ZFPM2: variants seen among roughly 807,000 people sequenced by gnomAD.
ZFPM2 encodes zinc finger protein, FOG family member 2, also known as zinc finger protein ZFPM2.
Under a neutral mutation model 98.6 loss-of-function variants are expected in ZFPM2, and 20 were observed. The observed-to-expected ratio is 0.20, with a 90% CI of 0.14 to 0.29. The LOEUF is 0.29. Ranked by LOEUF, ZFPM2 falls within the 10% of genes least tolerant of loss-of-function variation. The pLI, the probability that ZFPM2 is intolerant of heterozygous loss-of-function variation, is 1.00. For missense variants in ZFPM2, 1,310 were observed against 1,388.6 expected, an observed-to-expected ratio of 0.94 and a Z score of 0.90; for synonymous variants, 518 against 502.7, an observed-to-expected ratio of 1.03 and a Z score of -0.41.
chr8:105,602,471 C>T, intron 4 of ZFPM2, among the ~76,000 whole-genome samples: 1 of 152,086 alleles, frequency 6.6e-6, no homozygotes, highest in Non-Finnish European at 1.5e-5. Flanking sequence ...ATGTTCCCTA[C>T]CTGACCTTCT....
intron 4 of ZFPM2, among the ~76,000 whole-genome samples, chr8:105,571,073 GT>G (rs1815344468): frequency 1.3e-5 from 2 of 152,186 alleles, no homozygotes; most frequent in Admixed American, 1.3e-4. Flanking sequence ...TCCACTCTAT[GT>G]GTGTAAAGTT....
At chr8:105,504,374 T>C (rs1434943735) in intron 3 of ZFPM2, among the ~76,000 whole-genome samples, 1 of 152,118 alleles carries the variant, frequency 6.6e-6, no homozygotes, top group Non-Finnish European at 1.5e-5. Context: ...AAACCTTGGC[T>C]CCATGTCCCT....
intron 1 of ZFPM2, among the ~76,000 whole-genome samples, chr8:105,324,237 A>G (rs1407560183): frequency 6.6e-6 from 1 of 151,872 alleles, no homozygotes; most frequent in Non-Finnish European, 1.5e-5. Context: ...GGATAAATTA[A>G]GATAGTCATT....
At chr8:105,505,781 G>T (rs1297077288) in intron 3 of ZFPM2, among the ~76,000 whole-genome samples, 1 of 151,876 alleles carries the variant, frequency 6.6e-6, no homozygotes, top group Non-Finnish European at 1.5e-5. Flanking sequence ...TACACAAAAG[G>T]CAATAAAATG....
intron 5 of ZFPM2, among the ~76,000 whole-genome samples, chr8:105,659,321 C>T (rs1313449452): frequency 6.6e-6 from 1 of 151,980 alleles, no homozygotes; most frequent in Non-Finnish European, 1.5e-5. Context: ...CAGCAATTGG[C>T]TGTTATGCCC....
At chr8:105,348,634 C>T (rs1323746148) in intron 1 of ZFPM2, among the ~76,000 whole-genome samples, 5 of 152,120 alleles carry the variant, frequency 3.3e-5, no homozygotes, top group African/African-American at 1.2e-4. Context: ...TTCGAATTTA[C>T]CATTGATGTT....
chr8:105,441,161 A>AAAAC (rs370677868), intron 2 of ZFPM2, among the ~76,000 whole-genome samples: 13 of 151,724 alleles, frequency 8.6e-5, no homozygotes, highest in South Asian at 4.2e-4. Flanking sequence ...TCTCAAAACA[A>AAAAC]AAACAAACAA....
intron 5 of ZFPM2, among the ~76,000 whole-genome samples, chr8:105,779,506 A>G (rs1813193489): frequency 6.6e-6 from 1 of 152,250 alleles, no homozygotes; most frequent in African/African-American, 2.4e-5. Flanking sequence ...GTAAGAAGCC[A>G]TGAATTGCAG....
At chr8:105,400,404 C>T (rs1172939542) in intron 1 of ZFPM2, among the ~76,000 whole-genome samples, 1 of 152,048 alleles carries the variant, frequency 6.6e-6, no homozygotes, top group African/African-American at 2.4e-5. Flanking sequence ...CCAGTGCTAT[C>T]CCTCCCCACT....
Position 105,452,098 on chromosome 8 carries a change from A to T in ZFPM2, c.301+7717A>T, listed in dbSNP as rs111269050. On this transcript the variant is annotated intron_variant, in intron 3 of 7. Coordinates refer to ENST00000407775, the MANE Select transcript of ZFPM2 (RefSeq NM_012082.4). ...AAAAGCTTTTACATCCTCCATTCTAATGAAACAAACTAGAAATCATACATA... is the reference window on the plus strand; with the variant it reads ...AAAAGCTTTTACATCCTCCATTCTATTGAAACAAACTAGAAATCATACATA... Among the ~76,000 whole-genome samples, 1,117 of 152,266 alleles carry T rather than the reference A, an allele frequency of 7.3e-3. 13 individuals are homozygous for T. Among genetic ancestry groups the T allele is most frequent in the African/African-American group, 0.025 (1,052 of 41,564 alleles).
chr8:105,400,527 A>G (rs1811319581), intron 1 of ZFPM2, among the ~76,000 whole-genome samples: 1 of 152,152 alleles, frequency 6.6e-6, no homozygotes, highest in Admixed American at 6.5e-5. Flanking sequence ...AAGAAGAACT[A>G]AAATTGATTT....
chr8:105,577,228 T>G (rs1045879939), intron 4 of ZFPM2, among the ~76,000 whole-genome samples: 2 of 152,148 alleles, frequency 1.3e-5, no homozygotes, highest in African/African-American at 4.8e-5. Flanking sequence ...TTGCTTCATG[T>G]AAGAGTATTT....
intron 5 of ZFPM2, among the ~76,000 whole-genome samples, chr8:105,697,419 T>C (rs951062622): frequency 1.3e-5 from 2 of 152,168 alleles, no homozygotes; most frequent in African/African-American, 4.8e-5. Context: ...AGGTAATCCA[T>C]GTAAGGTATT....
At chr8:105,406,501 C>A (rs2130010082) in intron 1 of ZFPM2, among the ~76,000 whole-genome samples, 1 of 152,030 alleles carries the variant, frequency 6.6e-6, no homozygotes, top group Admixed American at 6.6e-5. Context: ...CCATAAAATC[C>A]CTAGAAGAAA....
intron 5 of ZFPM2, among the ~76,000 whole-genome samples, chr8:105,668,123 A>G (rs1310538587): frequency 6.6e-6 from 1 of 152,204 alleles, no homozygotes; most frequent in Non-Finnish European, 1.5e-5. Context: ...CAAGCCCTAG[A>G]CAGATAGGCC....
chr8:105,651,169 GT>G (rs1586174698), intron 5 of ZFPM2, among the ~76,000 whole-genome samples: 1 of 151,872 alleles, frequency 6.6e-6, no homozygotes, highest in African/African-American at 2.4e-5. Flanking sequence ...TCATTCTTTA[GT>G]TTTTTTCTCC....
At chr8:105,568,951 C>A (rs1815298648) in intron 4 of ZFPM2, among the ~76,000 whole-genome samples, 1 of 151,986 alleles carries the variant, frequency 6.6e-6, no homozygotes, top group Non-Finnish European at 1.5e-5. Context: ...TTTGGTCATG[C>A]TGTTTTATCC....
intron 1 of ZFPM2, among the ~76,000 whole-genome samples, chr8:105,360,743 G>C (rs923379128): frequency 4.1e-5 from 6 of 146,276 alleles, no homozygotes; most frequent in South Asian, 2.2e-4. Context: ...TTGTTCTTGC[G>C]ATAGTTTACT....
Position 105,803,813 on chromosome 8 carries a change from A to G in ZFPM2, c.*275A>G. On this transcript the variant is annotated 3_prime_UTR_variant, in exon 8 of 8. Transcript: ENST00000407775. ...AAACTTTATATTAAAGTCATTTGTAATGTTATTGTATAGTTATTGTGTAGC... is the reference window on the plus strand; with the variant it reads ...AAACTTTATATTAAAGTCATTTGTAGTGTTATTGTATAGTTATTGTGTAGC... 2.6e-6 allele frequency: 1 copy of G among 378,560 alleles called. No individual in the cohort carries two copies. The highest frequency in any genetic ancestry group is 3.2e-5 in the South Asian group (1 of 31,634). The allele number at this position is 378,560 out of a possible 1,614,324, so 23.5% of individuals were successfully genotyped here. A position where few individuals can be genotyped will look rare whatever the true frequency, so the allele number is the denominator to read the frequency against.
Sources: gnomAD v4.1 joint callset for allele counts (sites outside exome capture counted in the v4.1 genomes callset) on GRCh38, gnomAD v4.1.1 for gene constraint, MANE v1.5 for transcripts, NCBI Gene and HGNC (gene_info 2026-07-23, HGNC 2026-07-21) for gene names.